The following CSMD1 variants were observed in gnomAD, a reference collection of about 807,000 sequenced individuals.
The protein encoded by CSMD1 is CUB and Sushi multiple domains 1.
A neutral mutation model predicts 417.5 loss-of-function variants in CSMD1; 213 were observed. The ratio of observed to expected loss-of-function variants is 0.51; its 90% confidence interval spans 0.46 to 0.57. The LOEUF (loss-of-function observed/expected upper bound fraction) is 0.57. Ranked by LOEUF, CSMD1 falls within the 20% of genes least tolerant of loss-of-function variation. The pLI, the probability that CSMD1 is intolerant of heterozygous loss-of-function variation, is 0.00. For missense variants in CSMD1, 6,923 were observed against 4,529.7 expected, an observed-to-expected ratio of 1.53 and a Z score of -15.17; for synonymous variants, 2,862 against 1,736.8, an observed-to-expected ratio of 1.65 and a Z score of -16.11.
At chr8:3,836,659 C>T (rs943194699) in intron 5 of CSMD1, among the ~76,000 whole-genome samples, 7 of 152,016 alleles carry the variant, frequency 4.6e-5, no homozygotes, top group Admixed American at 1.3e-4. Flanking sequence ...ACATGAGACA[C>T]GTGAGTTCCT....
At chr8:3,833,692 T>C (rs1296889069) in intron 5 of CSMD1, among the ~76,000 whole-genome samples, 3 of 152,154 alleles carry the variant, frequency 2.0e-5, no homozygotes, top group African/African-American at 7.2e-5. Context: ...TTTTCTTCAA[T>C]CTTTCTGACT....
chr8:4,408,038 C>T (rs1478533471), intron 3 of CSMD1, among the ~76,000 whole-genome samples: 1 of 152,176 alleles, frequency 6.6e-6, no homozygotes, highest in Non-Finnish European at 1.5e-5. Context: ...ACCCTCCTCC[C>T]CTCCCCAAAT....
At chr8:4,832,136 G>C (rs1464805641) in intron 1 of CSMD1, among the ~76,000 whole-genome samples, 2 of 152,254 alleles carry the variant, frequency 1.3e-5, no homozygotes, top group Non-Finnish European at 2.9e-5. Context: ...ATGTATCTCT[G>C]TTTTCCTGGT....
At chr8:4,069,859 T>A (rs1447555485) in intron 3 of CSMD1, among the ~76,000 whole-genome samples, 1 of 152,066 alleles carries the variant, frequency 6.6e-6, no homozygotes, top group Admixed American at 6.6e-5. Flanking sequence ...AAGTCTTCTA[T>A]CCGGTACTGC....
At chr8:3,097,140 CA>C in intron 46 of CSMD1, 103 bp from the exon 47 acceptor site, 1 of 962,898 alleles carries the variant, frequency 1.0e-6, no homozygotes, top group Non-Finnish European at 1.5e-6. Context: ...AAGGAAAAAG[CA>C]ATCTTATTGA....
rs1294227986 is a variant in CSMD1 at position 3,284,310 on chromosome 8, G to A, written c.3987C>T (p.His1329=). Reference sequence around the variant, plus strand: ...GCCCGTCCCAGACCTTGAGGATGTCGTGAGCCATCTCCGTGTCGAAAACAA... The same window carrying A: ...GCCCGTCCCAGACCTTGAGGATGTCATGAGCCATCTCCGTGTCGAAAACAA... ...HFIVFDTEMA[H]DILKVWDGPV... The change falls in exon 26 of 70, where the codon CAC becomes CAT. Residue 1329 remains histidine (H), a synonymous_variant. Coordinates refer to ENST00000635120, the MANE Select transcript of CSMD1 (RefSeq NM_033225.6). 1.3e-5 allele frequency: 21 copies of A among 1,613,892 alleles called. No individual in the cohort carries two copies. Among genetic ancestry groups the A allele is most frequent in the Non-Finnish European group, 1.4e-5 (17 of 1,179,854 alleles).
intron 11 of CSMD1, among the ~76,000 whole-genome samples, chr8:3,492,205 G>C (rs1478099822): frequency 1.3e-5 from 2 of 152,150 alleles, no homozygotes; most frequent in African/African-American, 2.4e-5. Context: ...ATTCTCCATT[G>C]CTTCAGTGGA....
At chr8:4,255,944 C>G (rs1321285838) in intron 3 of CSMD1, among the ~76,000 whole-genome samples, 1 of 152,154 alleles carries the variant, frequency 6.6e-6, no homozygotes. Flanking sequence ...TCCCCACAGC[C>G]TAACGTGGTG....
intron 6 of CSMD1, among the ~76,000 whole-genome samples, chr8:3,752,716 G>C (rs1320480951): frequency 1.5e-5 from 2 of 133,532 alleles, no homozygotes; most frequent in Non-Finnish European, 3.2e-5. Context: ...ATATTTTGTT[G>C]AAACGAATTT....
At chr8:3,212,480 C>T (rs1046479108) in intron 30 of CSMD1, among the ~76,000 whole-genome samples, 1 of 152,122 alleles carries the variant, frequency 6.6e-6, no homozygotes, top group African/African-American at 2.4e-5. Context: ...TCCCAAGCAG[C>T]TGGGACTACA....
At chr8:4,353,633 C>G (rs938599256) in intron 3 of CSMD1, among the ~76,000 whole-genome samples, 4 of 152,008 alleles carry the variant, frequency 2.6e-5, no homozygotes, top group Non-Finnish European at 5.9e-5. Flanking sequence ...TCACGCCCAA[C>G]GGGACAGGCT....
intron 41 of CSMD1, among the ~76,000 whole-genome samples, chr8:3,120,849 T>C (rs1209933761): frequency 6.6e-6 from 1 of 151,918 alleles, no homozygotes; most frequent in African/African-American, 2.4e-5. Context: ...CCATCACAAA[T>C]AAATAAATAA....
At chr8:3,420,810 T>C (rs1458497619) in intron 12 of CSMD1, among the ~76,000 whole-genome samples, 1 of 152,166 alleles carries the variant, frequency 6.6e-6, no homozygotes, top group African/African-American at 2.4e-5. Flanking sequence ...ATTGAAAACA[T>C]TCCTTAAACA....
At chr8:3,541,363 C>T (rs954882667) in intron 10 of CSMD1, among the ~76,000 whole-genome samples, 2 of 152,004 alleles carry the variant, frequency 1.3e-5, no homozygotes, top group African/African-American at 4.8e-5. Flanking sequence ...ACAACATGCA[C>T]TGGGGCCTGT....
chr8:2,997,356 G>A (rs970054345), intron 54 of CSMD1, among the ~76,000 whole-genome samples: 17 of 152,200 alleles, frequency 1.1e-4, no homozygotes, highest in Non-Finnish European at 1.8e-4. Flanking sequence ...GATAGCTCCC[G>A]TGGGAGCCCT....
At chr8:4,213,503 A>G (rs73658487) in intron 3 of CSMD1, among the ~76,000 whole-genome samples, 3,089 of 152,312 alleles carry the variant, frequency 0.02, 128 homozygotes, top group African/African-American at 0.07. Context: ...TTGCTAAATA[A>G]AATTTGGTGG....
At chr8:3,074,933 T>C (rs952181807) in intron 49 of CSMD1, among the ~76,000 whole-genome samples, 4 of 152,120 alleles carry the variant, frequency 2.6e-5, no homozygotes, top group Admixed American at 6.5e-5. Context: ...GTGTTGGAGG[T>C]GGGGCCTGGA....
intron 1 of CSMD1, among the ~76,000 whole-genome samples, chr8:4,762,216 C>G (rs187781035): frequency 3.9e-5 from 6 of 152,160 alleles, no homozygotes; most frequent in Admixed American, 3.3e-4. Flanking sequence ...AAAATCATAT[C>G]TGCATGGTAC....
intron 3 of CSMD1, among the ~76,000 whole-genome samples, chr8:4,416,226 A>T (rs557723603): frequency 1.3e-5 from 2 of 152,310 alleles, no homozygotes; most frequent in Admixed American, 1.3e-4. Context: ...CTATCCAAAG[A>T]AAGGTTGGAT....
Sources: gnomAD v4.1 joint callset for allele counts (sites outside exome capture counted in the v4.1 genomes callset) on GRCh38, gnomAD v4.1.1 for gene constraint, MANE v1.5 for transcripts, NCBI Gene and HGNC (gene_info 2026-07-23, HGNC 2026-07-21) for gene names.